Variants in BCL2 observed in about 807,000 individuals in gnomAD.
BCL2 encodes apoptosis regulator Bcl-2.
Under a neutral mutation model 14.2 loss-of-function variants are expected in BCL2, and 1 was observed. The observed-to-expected ratio is 0.07, with a 90% CI of 0.02 to 0.33. The LOEUF (loss-of-function observed/expected upper bound fraction) is 0.33. BCL2 is among the 10% of genes least tolerant of loss of function. The pLI is 0.99. For missense variants in BCL2, 247 were observed against 305.9 expected (o/e 0.81, Z 1.44); for synonymous variants, 151 against 137.2 (o/e 1.10, Z -0.70).
chr18:63,197,331 C>T (rs1254748285), intron 2 of BCL2, among the ~76,000 whole-genome samples: 1 of 152,184 alleles, frequency 6.6e-6, no homozygotes, highest in African/African-American at 2.4e-5. Context: ...CTCGTACCTG[C>T]TACAGGTGTT....
rs370208170 is a variant in BCL2 at position 63,134,507 on chromosome 18, G to A, written c.586-5748C>T. On this transcript the variant is annotated intron_variant, in intron 2 of 2. Transcript: ENST00000333681. The stretch of plus-strand genomic sequence containing the variant: ...ACCAATGCCTGCAATAAGAGGTTCA[G>A]GCCCCGAGCTCAGTGTGTGTTCTCA... 1.0e-3 allele frequency among the ~76,000 whole-genome samples: 156 copies of A among 152,304 alleles called. 5 individuals are homozygous for A. The South Asian group carries it at 0.03, about 30-fold the overall frequency.
At chr18:63,311,633 G>C (rs932065529) in intron 2 of BCL2, among the ~76,000 whole-genome samples, 7 of 152,106 alleles carry the variant, frequency 4.6e-5, no homozygotes, top group African/African-American at 1.7e-4. Context: ...AACTAAAAAT[G>C]GAATACGCTT....
At chr18:63,193,839 T>G (rs2144654662) in intron 2 of BCL2, among the ~76,000 whole-genome samples, 2 of 152,242 alleles carry the variant, frequency 1.3e-5, no homozygotes, top group East Asian at 3.9e-4. Flanking sequence ...AAGACTGATG[T>G]AGATTTATTT....
intron 2 of BCL2, among the ~76,000 whole-genome samples, chr18:63,221,694 C>T (rs1480031742): frequency 2.0e-5 from 3 of 152,174 alleles, no homozygotes; most frequent in Admixed American, 2.0e-4. Flanking sequence ...GTCACCCTAA[C>T]CATGAAAAGG....
intron 2 of BCL2, among the ~76,000 whole-genome samples, chr18:63,295,620 C>T (rs1025600565): frequency 6.6e-6 from 1 of 152,158 alleles, no homozygotes; most frequent in African/African-American, 2.4e-5. Flanking sequence ...AAGTGCCTGG[C>T]GGGTCAGAAG....
chr18:63,126,198 T>A lies in BCL2; in HGVS notation c.*2427A>T. 4.6e-6 allele frequency: 1 copy of A among 215,888 alleles called. No homozygotes were observed. The highest frequency in any genetic ancestry group is 9.4e-6 in the Non-Finnish European group (1 of 106,648). The allele number at this position is 215,888 out of a possible 1,614,324, so 13.4% of individuals were successfully genotyped here. ...ATCATTCAAAGGTCTGATCATTCTG[T>A]TCCCTGAGGCCCGCCGGGGAGGTCT... On this transcript the variant is annotated 3_prime_UTR_variant, in exon 3 of 3. Transcript: ENST00000333681.
At chr18:63,236,431 C>T (rs1468158235) in intron 2 of BCL2, among the ~76,000 whole-genome samples, 2 of 46,410 alleles carry the variant, frequency 4.3e-5, no homozygotes, top group Non-Finnish European at 1.9e-4. Flanking sequence ...GGTCTATTGT[C>T]CCATAATGTC....
intron 2 of BCL2, among the ~76,000 whole-genome samples, chr18:63,171,679 T>A (rs1452076173): frequency 1.3e-5 from 2 of 152,124 alleles, no homozygotes; most frequent in Non-Finnish European, 2.9e-5. Flanking sequence ...CTGTAAGAGA[T>A]AAAAATAATA....
rs1190038824 is a variant in BCL2 at position 63,149,754 on chromosome 18, G to T, written c.586-20995C>A. ...GAGAGGAGATGTCACTAATAATATT[G>T]ATTTTTAACCCTTTCTCTAGTTTTT... On this transcript the variant is annotated intron_variant, in intron 2 of 2. Transcript: ENST00000333681. The surrounding 1 kb of genome is among the most constrained non-coding windows in gnomAD (Gnocchi z 4.2). Among the ~76,000 whole-genome samples, 1 of 152,140 alleles carries T rather than the reference G, an allele frequency of 6.6e-6. No homozygotes were observed. Among genetic ancestry groups the T allele is most frequent in the Admixed American group, 6.5e-5 (1 of 15,280 alleles).
chr18:63,203,487 A>G (rs1909756508), intron 2 of BCL2, among the ~76,000 whole-genome samples: 1 of 152,264 alleles, frequency 6.6e-6, no homozygotes, highest in Non-Finnish European at 1.5e-5. Context: ...TAGCAAAGCA[A>G]TTAGCAAGTT....
intron 2 of BCL2, among the ~76,000 whole-genome samples, chr18:63,171,843 T>C (rs1214434620): frequency 6.6e-6 from 1 of 151,584 alleles, no homozygotes; most frequent in Non-Finnish European, 1.5e-5. Context: ...TATCTGGGAG[T>C]GGTGGCACAG....
intron 2 of BCL2, among the ~76,000 whole-genome samples, chr18:63,276,356 T>TC (rs1912153726): frequency 1.8e-5 from 1 of 56,594 alleles, no homozygotes; most frequent in Non-Finnish European, 4.3e-5. Context: ...TGAAAAAGCA[T>TC]CTGGAAATCC....
At chr18:63,264,768 C>T (rs566023509) in intron 2 of BCL2, among the ~76,000 whole-genome samples, 29 of 152,272 alleles carry the variant, frequency 1.9e-4, no homozygotes, top group Middle Eastern at 3.4e-3. Flanking sequence ...TCAATGGGAA[C>T]GAAGAGATAG....
At chr18:63,271,099 A>G (rs1323837365) in intron 2 of BCL2, among the ~76,000 whole-genome samples, 1 of 152,228 alleles carries the variant, frequency 6.6e-6, no homozygotes, top group African/African-American at 2.4e-5. Flanking sequence ...TGAGATTACA[A>G]GCATGAGCCA....
At chr18:63,297,504 G>T (rs949288250) in intron 2 of BCL2, among the ~76,000 whole-genome samples, 7 of 152,216 alleles carry the variant, frequency 4.6e-5, no homozygotes, top group African/African-American at 1.7e-4. Context: ...GGCAGGAGTA[G>T]ATTTTAGACA....
At chr18:63,279,226 C>G (rs1313470824) in intron 2 of BCL2, among the ~76,000 whole-genome samples, 1 of 152,096 alleles carries the variant, frequency 6.6e-6, no homozygotes, top group Non-Finnish European at 1.5e-5. Context: ...TTCTTTTCAT[C>G]AAAAGATTCT....
Position 63,123,396 on chromosome 18 carries a change from C to T in BCL2, c.*5229G>A, listed in dbSNP as rs955010718. 11 of 193,942 alleles carry T rather than the reference C, an allele frequency of 5.7e-5. No individual in the cohort carries two copies. The highest frequency in any genetic ancestry group is 2.6e-4 in the African/African-American group (11 of 43,104). 12.0% of individuals were successfully genotyped at this position (193,942 alleles called of 1,614,324 possible). On this transcript the variant is annotated 3_prime_UTR_variant, in exon 3 of 3. Coordinates refer to ENST00000333681, the MANE Select transcript of BCL2 (RefSeq NM_000633.3). Reference sequence around the variant, plus strand: ...TTCTTCACAATATTAACTAGACAGACAAGGAAAGTTTAATGGCAATGTGAC... The same window carrying T: ...TTCTTCACAATATTAACTAGACAGATAAGGAAAGTTTAATGGCAATGTGAC...
intron 2 of BCL2, among the ~76,000 whole-genome samples, chr18:63,251,914 G>T (rs574448556): frequency 1.6e-3 from 248 of 152,038 alleles, no homozygotes; most frequent in Non-Finnish European, 2.9e-3. Context: ...GGTCAGGCTG[G>T]TCTCAAACTC....
intron 2 of BCL2, chr18:63,314,077 T>C (rs1329508424): frequency 6.6e-6 from 1 of 152,210 alleles, no homozygotes; most frequent in Admixed American, 6.5e-5. Flanking sequence ...CCACAGCACA[T>C]GACTGAAAAC....
Sources: allele counts gnomAD v4.1 joint callset (sites outside exome capture counted in the v4.1 genomes callset), GRCh38; gene constraint gnomAD v4.1.1; non-coding constraint Gnocchi (gnomAD v3.1); transcripts MANE v1.5; gene names NCBI Gene and HGNC (gene_info 2026-07-23, HGNC 2026-07-21).